PUDP: variants seen among roughly 807,000 people sequenced by gnomAD.
PUDP encodes pseudouridine-5'-phosphatase.
PUDP carries 8 observed loss-of-function variants against 9.4 expected under a neutral mutation model. That is an observed-to-expected ratio of 0.85 (90% CI 0.50 to 1.53). The LOEUF (loss-of-function observed/expected upper bound fraction) is 1.53, where lower values mean the gene tolerates loss of function less well. Among genes scored for constraint, PUDP ranks in the 40% most tolerant of loss-of-function variants. The pLI, the probability that PUDP is intolerant of heterozygous loss-of-function variation, is 0.00. For missense variants in PUDP, 188 were observed against 189.7 expected (o/e 0.99, Z 0.05); for synonymous variants, 99 against 80.7 (o/e 1.23, Z -1.22).
At chrX:6,819,644 G>C (rs1407522487) in intron 3 of PUDP, among the ~76,000 whole-genome samples, 1 of 112,385 alleles carries the variant, frequency 8.9e-6, no homozygotes, top group Non-Finnish European at 1.9e-5. Context: ...TTTAAAGTAG[G>C]TTTTCACTTG....
At chrX:6,772,920 C>A (rs1489694241) in intron 3 of PUDP, among the ~76,000 whole-genome samples, 2 of 111,842 alleles carry the variant, frequency 1.8e-5, no homozygotes, top group Non-Finnish European at 3.8e-5. Context: ...AAAGACAAGT[C>A]TGTTGATCTG....
intron 1 of PUDP, among the ~76,000 whole-genome samples, chrX:6,995,719 G>A (rs1929241334): frequency 1.8e-5 from 2 of 108,884 alleles, no homozygotes; most frequent in African/African-American, 6.7e-5. Flanking sequence ...ACAAGACTGT[G>A]TCACAAAAAC....
At chrX:6,808,162 T>TA (rs976735702) in intron 3 of PUDP, among the ~76,000 whole-genome samples, 12 of 108,005 alleles carry the variant, frequency 1.1e-4, no homozygotes, top group East Asian at 2.9e-4. Context: ...CTTCTTGTAT[T>TA]AAAAAAAAAA....
intron 3 of PUDP, among the ~76,000 whole-genome samples, chrX:6,751,609 A>G (rs1925086143): frequency 1.8e-5 from 2 of 111,359 alleles, no homozygotes. Flanking sequence ...TCTTGGAAGG[A>G]GCTTTGAGAT....
chrX:7,147,130 G>C (rs1336990765), intron 1 of PUDP, among the ~76,000 whole-genome samples: 1 of 110,938 alleles, frequency 9.0e-6, no homozygotes, highest in African/African-American at 3.3e-5. Flanking sequence ...TGCTAAGACT[G>C]ACTACCTTAG....
intron 3 of PUDP, among the ~76,000 whole-genome samples, chrX:6,859,576 T>C (rs991812199): frequency 1.8e-5 from 2 of 111,751 alleles, no homozygotes; most frequent in Non-Finnish European, 3.8e-5. Flanking sequence ...TCAGGGGTCA[T>C]GTGGCCAGAG....
At chrX:6,869,445 C>A (rs1713162453) in intron 3 of PUDP, among the ~76,000 whole-genome samples, 1 of 111,669 alleles carries the variant, frequency 9.0e-6, no homozygotes, top group South Asian at 3.8e-4. Context: ...AAAATCTGGG[C>A]TCAGATGGGG....
At chrX:6,922,177 A>C (rs1297292307) in intron 3 of PUDP, among the ~76,000 whole-genome samples, 3 of 111,270 alleles carry the variant, frequency 2.7e-5, no homozygotes, top group African/African-American at 9.8e-5. Flanking sequence ...AATGAATAAG[A>C]CCTACTATGT....
At chrX:7,145,874 T>C (rs1425294004) in intron 1 of PUDP, among the ~76,000 whole-genome samples, 1 of 111,976 alleles carries the variant, frequency 8.9e-6, no homozygotes, top group Non-Finnish European at 1.9e-5. Context: ...AACAGACCTA[T>C]TGTAAAATAA....
intron 3 of PUDP, among the ~76,000 whole-genome samples, chrX:6,831,546 T>A (rs1302578535): frequency 8.9e-6 from 1 of 112,142 alleles, no homozygotes; most frequent in Non-Finnish European, 1.9e-5. Flanking sequence ...TTTTCTCAGT[T>A]ATAATTTTTG....
Position 7,148,100 on chromosome X carries a change from G to A in PUDP, c.14C>T (p.Pro5Leu), listed in dbSNP as rs957111882. Residue 5 changes from proline (P) to leucine (L), a missense_variant, in exon 1 of 4, where the codon CCG (proline) becomes CTG (leucine). Transcript: ENST00000381077. MAAP[P>L]QPVTHLIFDM... is the part of the protein sequence containing the mutation. ...AAAGATGAGGTGGGTGACGGGCTGC[G>A]GGGGCGCCGCCATGGTGGCGCCTTC... The A allele has an allele frequency of 2.5e-5, 28 of 1,131,075 alleles. No individual in the cohort carries two copies. Among genetic ancestry groups the A allele is most frequent in the Admixed American group, 1.1e-4 (4 of 35,603 alleles). 93.2% of individuals were successfully genotyped at this position (1,131,075 alleles called of 1,213,427 possible).
intron 1 of PUDP, among the ~76,000 whole-genome samples, chrX:7,038,136 CT>C (rs1344368553): frequency 1.8e-5 from 2 of 108,975 alleles, no homozygotes; most frequent in Non-Finnish European, 3.9e-5. Flanking sequence ...TATATATATC[CT>C]TTTACCTTAA....
At chrX:6,976,102 G>C (rs966385874) in intron 3 of PUDP, among the ~76,000 whole-genome samples, 1 of 112,399 alleles carries the variant, frequency 8.9e-6, no homozygotes, top group Non-Finnish European at 1.9e-5. Context: ...CCAGCAGTGA[G>C]AATTTCAAGC....
At chrX:7,040,100 A>T (rs1929901797) in intron 1 of PUDP, among the ~76,000 whole-genome samples, 3 of 112,183 alleles carry the variant, frequency 2.7e-5, no homozygotes, top group Admixed American at 9.4e-5. Flanking sequence ...CTCTATCCAA[A>T]CAAAGGCTGA....
intron 3 of PUDP, among the ~76,000 whole-genome samples, chrX:6,732,189 A>G (rs1445005665): frequency 9.0e-6 from 1 of 111,613 alleles, no homozygotes; most frequent in Non-Finnish European, 1.9e-5. Flanking sequence ...ATTTTGCATC[A>G]TTAGATGAAA....
chrX:7,094,558 G>A (rs1438797565), intron 2 of PUDP, among the ~76,000 whole-genome samples: 4 of 110,342 alleles, frequency 3.6e-5, no homozygotes, highest in African/African-American at 9.9e-5. Context: ...GGGTTTCACC[G>A]TGTTAGCCAG....
chrX:7,030,920 C>T (rs1300143902), intron 1 of PUDP, among the ~76,000 whole-genome samples: 1 of 111,580 alleles, frequency 9.0e-6, no homozygotes, highest in Non-Finnish European at 1.9e-5. Context: ...ACTCCATAGA[C>T]AGAGCAGTCC....
chrX:6,826,596 T>C (rs530123385), intron 3 of PUDP, among the ~76,000 whole-genome samples: 149 of 112,195 alleles, frequency 1.3e-3, no homozygotes, highest in African/African-American at 4.6e-3. Flanking sequence ...ATAGATATAG[T>C]AGCATAAATT....
intron 3 of PUDP, among the ~76,000 whole-genome samples, chrX:6,757,840 ACAG>A (rs1418604099): frequency 2.7e-5 from 3 of 112,365 alleles, no homozygotes; most frequent in African/African-American, 9.7e-5. Context: ...CTTGTTTTGA[ACAG>A]TAAGTCTGTG....
Sources: allele counts gnomAD v4.1 joint callset (sites outside exome capture counted in the v4.1 genomes callset), GRCh38; gene constraint gnomAD v4.1.1; transcripts MANE v1.5; gene names NCBI Gene and HGNC (gene_info 2026-07-23, HGNC 2026-07-21).